Variants in ZNF454 observed in about 807,000 individuals in gnomAD.
ZNF454 encodes the protein zinc finger protein 454.
Under a neutral mutation model 48.2 loss-of-function variants are expected in ZNF454, and 30 were observed. The observed-to-expected ratio is 0.62, with a 90% CI of 0.47 to 0.84. The LOEUF (loss-of-function observed/expected upper bound fraction) is 0.84. Among genes scored for constraint, ZNF454 ranks in the 40% least tolerant of loss-of-function variants. The probability of loss-of-function intolerance (pLI) is 0.00; values close to 1 mark genes in which losing one functional copy is unlikely to be tolerated. For missense variants in ZNF454, 510 were observed against 623.1 expected (o/e 0.82, Z 1.93); for synonymous variants, 204 against 211.4 (o/e 0.97, Z 0.30).
the ZNF454 span, among the ~76,000 whole-genome samples, chr5:178,976,371 T>A: frequency 1.3e-5 from 2 of 152,234 alleles, no homozygotes; most frequent in African/African-American, 4.8e-5. Flanking sequence ...GCAGTTCCTG[T>A]CTATTTTGTC....
rs192482791 is a variant in ZNF454 at position 178,959,628 on chromosome 5, C to T, written c.251-5027C>T. Among the ~76,000 whole-genome samples the T allele has an allele frequency of 1.8e-3, 270 of 151,768 alleles. 2 individuals are homozygous for T. In the East Asian group the frequency reaches 0.02, roughly 11 times the overall value. Reference sequence around the variant, plus strand: ...AGATCATTTCCTTTTTTTTTTGAGACGGAGTCTCGCTCTGTTGCCCAGGCT... The same window carrying T: ...AGATCATTTCCTTTTTTTTTTGAGATGGAGTCTCGCTCTGTTGCCCAGGCT... On this transcript the variant is annotated intron_variant, in intron 4 of 4. Coordinates refer to ENST00000519564, the MANE Select transcript of ZNF454 (RefSeq NM_001178089.3).
chr5:178,965,018 C>A lies in ZNF454; in HGVS notation c.614C>A (p.Ala205Glu). Residue 205 changes from alanine to glutamate, a missense_variant, in exon 5 of 5, where the codon GCA becomes GAA. Physicochemically the swap from Ala to Glu is moderately radical, Grantham distance 107 (BLOSUM62 -1). Coordinates refer to ENST00000519564, the MANE Select transcript of ZNF454 (RefSeq NM_001178089.3). The surrounding 1 kb of genome is among the most constrained non-coding windows in gnomAD (Gnocchi z 5.2). ...CAGAAAATTCATAATGAAAAAAATG[C>A]AAATCAGAAAATTCATATTAAGGAG... Reference protein sequence around the residue: ...KHQKIHNEKNANQKIHIKEKR... With the variant: ...KHQKIHNEKNENQKIHIKEKR... 1 of 1,613,886 alleles carries A rather than the reference C, an allele frequency of 6.2e-7. No homozygotes were observed. The highest frequency in any genetic ancestry group is 1.6e-4 in the Middle Eastern group (1 of 6,062).
At chr5:178,989,275 G>T in the ZNF454 span, 2 of 1,582,866 alleles carry the variant, frequency 1.3e-6, no homozygotes, top group Non-Finnish European at 1.7e-6. Context: ...CTGTGCATTT[G>T]CGGGTGGAAT....
chr5:178,974,003 G>A, the ZNF454 span, among the ~76,000 whole-genome samples: 1 of 152,120 alleles, frequency 6.6e-6, no homozygotes, highest in Non-Finnish European at 1.5e-5. Context: ...GTAGACAGTG[G>A]GGTTGGGCTG....
At chr5:178,978,912 C>A in the ZNF454 span, 1 of 152,072 alleles carries the variant, frequency 6.6e-6, no homozygotes, top group African/African-American at 2.4e-5. Context: ...TGCAAAAAAA[C>A]AGGAAAATCT....
intron 1 of ZNF454, chr5:178,942,357 G>A (rs1759133927): frequency 6.4e-6 from 1 of 156,110 alleles, no homozygotes; most frequent in Non-Finnish European, 1.4e-5. Flanking sequence ...AGTGAGCCAA[G>A]ATCGTGCCAC....
chr5:178,986,689 C>T, the ZNF454 span: 72 of 1,604,130 alleles, frequency 4.5e-5, no homozygotes, highest in Non-Finnish European at 5.8e-5. Context: ...CCCCGGCCCG[C>T]AGGGCAGGCT....
chr5:178,947,916 AT>A (rs530161461), intron 4 of ZNF454, among the ~76,000 whole-genome samples: 1 of 151,594 alleles, frequency 6.6e-6, no homozygotes, highest in Non-Finnish European at 1.5e-5. Context: ...ATATCTCTTT[AT>A]TTTTTTTTAT....
At chr5:178,957,455 G>A (rs1299417705) in intron 4 of ZNF454, among the ~76,000 whole-genome samples, 1 of 151,490 alleles carries the variant, frequency 6.6e-6, no homozygotes, top group Non-Finnish European at 1.5e-5. Context: ...AGTCGCCCAG[G>A]CTGGAGTGCA....
At chr5:178,967,313 G>C (rs1371393731), downstream of ZNF454, among the ~76,000 whole-genome samples, 1 of 152,148 alleles carries the variant, frequency 6.6e-6, no homozygotes, top group Admixed American at 6.5e-5. Context: ...AGAGGTGAAA[G>C]CCCCAAGGCC....
intron 2 of ZNF454, among the ~76,000 whole-genome samples, chr5:178,943,152 A>G (rs939269533): frequency 6.6e-6 from 1 of 152,188 alleles, no homozygotes; most frequent in Non-Finnish European, 1.5e-5. Context: ...CCCTTTTTAC[A>G]TTGCTCTAAA....
the ZNF454 span, chr5:178,989,863 A>G: frequency 3.8e-6 from 1 of 263,978 alleles, no homozygotes; most frequent in Non-Finnish European, 7.4e-6. Flanking sequence ...GAATGGACAG[A>G]GCCCAGGGCT....
rs371714816 is a variant in ZNF454, at chr5:178,964,807, A to T, written c.403A>T (p.Ile135Phe). The change falls in exon 5 of 5, where the codon ATC (isoleucine) becomes TTC (phenylalanine). Residue 135 changes from isoleucine to phenylalanine, a missense_variant. Ile to Phe is a conservative substitution (Grantham distance 21, BLOSUM62 0). Transcript: ENST00000519564. ...GGAGTGGCAATGTGGAGGCCAGGAG[A>T]TCAGTTTGCAGCGAGTGGTACTCAC... ...LLEWQCGGQE[I>F]SLQRVVLTHP... is the part of the protein sequence containing the mutation. The T allele has an allele frequency of 3.9e-5, 63 of 1,614,124 alleles. No individual in the cohort carries two copies. The highest frequency in any genetic ancestry group is 2.9e-4 in the South Asian group (26 of 91,072).
At chr5:178,973,636 G>A in the ZNF454 span, among the ~76,000 whole-genome samples, 2 of 152,186 alleles carry the variant, frequency 1.3e-5, no homozygotes, top group Non-Finnish European at 2.9e-5. Context: ...AAGGTCAGGA[G>A]ATTGAGACCA....
At chr5:178,985,816 T>C in the ZNF454 span, 4 of 524,188 alleles carry the variant, frequency 7.6e-6, no homozygotes, top group Admixed American at 1.1e-4. Context: ...AGCTGGATTG[T>C]AGTGGTGCGA....
the ZNF454 span, chr5:178,986,014 A>T: frequency 3.4e-5 from 32 of 939,468 alleles, no homozygotes; most frequent in Admixed American, 8.0e-4. Flanking sequence ...CACCCACCTC[A>T]GCCTCCAAAG....
Position 178,960,759 on chromosome 5 carries a change from A to G in ZNF454, c.251-3896A>G, listed in dbSNP as rs536466679. On this transcript the variant is annotated intron_variant, in intron 4 of 4. Coordinates refer to ENST00000519564, the MANE Select transcript of ZNF454 (RefSeq NM_001178089.3). Reference sequence around the variant, plus strand: ...CCCTTTTGTCTATATAAAATACCTTAAAGTCTGTTTTCTCCAATACTGTGT... The same window carrying G: ...CCCTTTTGTCTATATAAAATACCTTGAAGTCTGTTTTCTCCAATACTGTGT... Among the ~76,000 whole-genome samples the G allele has an allele frequency of 9.5e-4, 144 of 151,876 alleles. 3 individuals carry two copies. The highest frequency in any genetic ancestry group is 7.9e-3 in the South Asian group (38 of 4,804).
the ZNF454 span, among the ~76,000 whole-genome samples, chr5:178,972,537 G>A: frequency 6.6e-6 from 1 of 152,102 alleles, no homozygotes. Flanking sequence ...AGGAGGTGAG[G>A]TTCACCCATA....
chr5:178,945,738 A>T (rs79262945), intron 2 of ZNF454, among the ~76,000 whole-genome samples: 2,972 of 151,018 alleles, frequency 0.02, 106 homozygotes, highest in African/African-American at 0.068. Flanking sequence ...GAGGATGGGG[A>T]GGTACACACT....
Sources: gnomAD v4.1 joint callset for allele counts (sites outside exome capture counted in the v4.1 genomes callset) on GRCh38, gnomAD v4.1.1 for gene constraint, Gnocchi (gnomAD v3.1) non-coding constraint, MANE v1.5 for transcripts, NCBI Gene and HGNC (gene_info 2026-07-23, HGNC 2026-07-21) for gene names.